The following RYR3 variants were observed in gnomAD, a reference collection of about 807,000 sequenced individuals.
RYR3 encodes the protein ryanodine receptor 3, also known as brain ryanodine receptor-calcium release channel.
A neutral mutation model predicts 584.3 loss-of-function variants in RYR3; 207 were observed. The observed-to-expected ratio is 0.35, with a 90% confidence interval of 0.32 to 0.40. The LOEUF (loss-of-function observed/expected upper bound fraction) is 0.40. RYR3 is among the 10% of genes least tolerant of loss of function. The pLI, the probability that RYR3 is intolerant of heterozygous loss-of-function variation, is 1.00. For synonymous variants in RYR3, 2,416 were observed against 2,248.5 expected (o/e 1.07, Z -2.11); for missense variants, 5,616 against 6,089.2 (o/e 0.92, Z 2.59).
At chr15:33,815,109 C>A (rs1243299912) in intron 74 of RYR3, among the ~76,000 whole-genome samples, 2 of 150,508 alleles carry the variant, frequency 1.3e-5, no homozygotes, top group East Asian at 1.9e-4. Flanking sequence ...CTGACACATA[C>A]CTGCTCCAAC....
chr15:33,462,212 G>A (rs947349278), intron 1 of RYR3, among the ~76,000 whole-genome samples: 1 of 152,102 alleles, frequency 6.6e-6, no homozygotes, highest in Non-Finnish European at 1.5e-5. Flanking sequence ...AAAAGGTAGT[G>A]TTCCCTGGTT....
intron 14 of RYR3, among the ~76,000 whole-genome samples, chr15:33,582,959 C>T (rs759426816): frequency 6.6e-5 from 10 of 152,176 alleles, no homozygotes; most frequent in East Asian, 3.8e-4. Context: ...TCCAGATTTG[C>T]GTCTACTCTT....
chr15:33,633,149 A>G (rs201566911), intron 24 of RYR3, 41 bp downstream of exon 24: 2 of 1,602,708 alleles, frequency 1.2e-6, no homozygotes, highest in African/African-American at 1.3e-5. Flanking sequence ...AACTTAGAAG[A>G]TATGATCATC....
rs984452798 is a variant in RYR3 at position 33,310,988 on chromosome 15, G to T, written c.-58G>T. 15 of 1,384,398 alleles carry T rather than the reference G, an allele frequency of 1.1e-5. No homozygotes were observed. In the Admixed American group the frequency reaches 2.9e-4, roughly 27 times the overall value. The allele number at this position is 1,384,398 out of a possible 1,614,324, so 85.8% of individuals were successfully genotyped here. On this transcript the variant is annotated 5_prime_UTR_variant, in exon 1 of 104. Coordinates refer to ENST00000634891, the MANE Select transcript of RYR3 (RefSeq NM_001036.6). ...CAGCAGCAGTCAGCGCACGCCGAGC[G>T]GCTGCCGGGGGAAGCAGAGGCGCCG...
chr15:33,648,944 T>C, intron 30 of RYR3, 128 bp from the exon 31 acceptor site: 1 of 771,184 alleles, frequency 1.3e-6, no homozygotes, highest in Non-Finnish European at 2.1e-6. Context: ...CCTCTACTAG[T>C]GTGCACTTTT....
In RYR3 at chr15:33,391,042, C is replaced by T. The variant is rs570151647; in HGVS notation, c.51+79946C>T. Among the ~76,000 whole-genome samples, 11 of 152,232 alleles carry T rather than the reference C, an allele frequency of 7.2e-5. No homozygotes were observed. The South Asian group carries it at 1.7e-3, about 23-fold the overall frequency. On this transcript the variant is annotated intron_variant, in intron 1 of 103. Transcript: ENST00000634891. ...TTGAGTACAACTGTTTGCTGAGTCC[C>T]GTGACTCCCTCTAGCAAATCTCTGA... is the stretch of plus-strand genomic sequence containing the variant.
chr15:33,334,118 A>G (rs7496638), intron 1 of RYR3, among the ~76,000 whole-genome samples: 53,365 of 152,094 alleles, frequency 0.35, 9,622 homozygotes, highest in East Asian at 0.53. Flanking sequence ...AAAGCAATTT[A>G]TAGATTAAAT....
At chr15:33,376,514 A>G (rs762653054) in intron 1 of RYR3, among the ~76,000 whole-genome samples, 6 of 152,206 alleles carry the variant, frequency 3.9e-5, no homozygotes, top group Non-Finnish European at 8.8e-5. Context: ...GAACAGGGCT[A>G]TGTGTACACA....
chr15:33,487,218 G>C (rs2142430651), intron 2 of RYR3, among the ~76,000 whole-genome samples: 1 of 148,790 alleles, frequency 6.7e-6, no homozygotes, highest in African/African-American at 2.5e-5. Context: ...AAAAAAGTGT[G>C]AGGTGGATGA....
chr15:33,337,798 G>C (rs919268001), intron 1 of RYR3, among the ~76,000 whole-genome samples: 1 of 152,134 alleles, frequency 6.6e-6, no homozygotes, highest in African/African-American at 2.4e-5. Flanking sequence ...CATCAGGTAT[G>C]TGTTCAAGTA....
chr15:33,815,171 C>T (rs1647399958), intron 74 of RYR3, among the ~76,000 whole-genome samples: 1 of 151,958 alleles, frequency 6.6e-6, no homozygotes, highest in African/African-American at 2.4e-5. Flanking sequence ...TGAGGCACCA[C>T]CAAATCAAGT....
chr15:33,441,196 G>A lies in RYR3; in HGVS notation c.52-32223G>A, dbSNP rs1410663799. Among the ~76,000 whole-genome samples, 3 of 152,272 alleles carry A rather than the reference G, an allele frequency of 2.0e-5. No individual in the cohort carries two copies. The South Asian group carries it at 6.2e-4, about 32-fold the overall frequency. The stretch of plus-strand genomic sequence containing the variant: ...TTTCTTGCAATTGTGGTTACGGTTA[G>A]GGTTAAGAATGCTTAGAGGAAATTG... On this transcript the variant is annotated intron_variant, in intron 1 of 103. Coordinates refer to ENST00000634891, the MANE Select transcript of RYR3 (RefSeq NM_001036.6).
chr15:33,313,577 T>C, intron 1 of RYR3, among the ~76,000 whole-genome samples: 1 of 152,150 alleles, frequency 6.6e-6, no homozygotes, highest in East Asian at 1.9e-4. Context: ...TATGTCTGGG[T>C]TAGGGAAGCT....
intron 16 of RYR3, among the ~76,000 whole-genome samples, chr15:33,594,137 C>T (rs1050766559): frequency 7.9e-5 from 12 of 152,188 alleles, no homozygotes; most frequent in Admixed American, 2.6e-4. Flanking sequence ...AAACCCTATA[C>T]ATGGACTGTG....
Position 33,628,533 on chromosome 15 carries a change from T to G in RYR3, c.2637T>G (p.Leu879=). The change falls in exon 21 of 104, where the codon CTT becomes CTG. Residue 879 remains leucine (L), a synonymous_variant. Coordinates refer to ENST00000634891, the MANE Select transcript of RYR3 (RefSeq NM_001036.6). ...RDRLAENIHE[L]WGMNKIELGW... is the part of the protein sequence containing the mutation. ...GACTAGCTGAAAACATCCATGAGCT[T>G]TGGGGAATGAATAAAATAGAACTTG... 1 of 1,613,678 alleles carries G rather than the reference T, an allele frequency of 6.2e-7. No individual in the cohort carries two copies. Among genetic ancestry groups the G allele is most frequent in the African/African-American group, 1.3e-5 (1 of 75,008 alleles).
chr15:33,745,799 C>G (rs1352621861), intron 52 of RYR3, among the ~76,000 whole-genome samples: 1 of 152,166 alleles, frequency 6.6e-6, no homozygotes, highest in East Asian at 1.9e-4. Context: ...CCTTTTGAAA[C>G]ATGCTGTTTT....
At chr15:33,329,383 G>T (rs1253484730) in intron 1 of RYR3, among the ~76,000 whole-genome samples, 2 of 152,264 alleles carry the variant, frequency 1.3e-5, no homozygotes, top group African/African-American at 4.8e-5. Flanking sequence ...TACAAAAGAT[G>T]AATATAAAAA....
chr15:33,357,799 A>G (rs1974185975), intron 1 of RYR3, among the ~76,000 whole-genome samples: 1 of 152,212 alleles, frequency 6.6e-6, no homozygotes, highest in Non-Finnish European at 1.5e-5. Context: ...CATACAGGGT[A>G]ATCTTCCCCC....
intron 65 of RYR3, among the ~76,000 whole-genome samples, chr15:33,781,945 A>C (rs763090487): frequency 6.6e-6 from 1 of 151,998 alleles, no homozygotes; most frequent in Non-Finnish European, 1.5e-5. Context: ...GAAGCTGAGC[A>C]GCAGAGCAGA....
Sources: allele counts gnomAD v4.1 joint callset (sites outside exome capture counted in the v4.1 genomes callset), GRCh38; gene constraint gnomAD v4.1.1; transcripts MANE v1.5; gene names NCBI Gene and HGNC (gene_info 2026-07-23, HGNC 2026-07-21).